NELL1: variants seen among roughly 807,000 people sequenced by gnomAD.
NELL1 encodes the protein neural EGFL like 1, also known as protein kinase C-binding protein NELL1.
NELL1 carries 76 observed loss-of-function variants against 107.4 expected under a neutral mutation model. That is an observed-to-expected ratio of 0.71 (90% confidence interval 0.59 to 0.86). NELL1 has a LOEUF of 0.86. Among genes scored for constraint, NELL1 ranks in the 40% least tolerant of loss-of-function variants. NELL1 has a pLI of 0.00. For missense variants in NELL1, 1,024 were observed against 1,005.5 expected, an observed-to-expected ratio of 1.02 and a Z score of -0.25; for synonymous variants, 353 against 341.2, an observed-to-expected ratio of 1.03 and a Z score of -0.38.
chr11:21,210,776 G>A (rs1464938989), intron 13 of NELL1, among the ~76,000 whole-genome samples: 1 of 151,998 alleles, frequency 6.6e-6, no homozygotes, highest in African/African-American at 2.4e-5. Context: ...TAAATAAATG[G>A]GGATATCAAC....
chr11:21,551,631 C>G lies in NELL1; in HGVS notation c.1787-8558C>G, dbSNP rs1194883326. Reference sequence around the variant, plus strand: ...AGAATGGCAATCATTAAAAAGTCAGCAAACAACAGGTGCTGGAAAGGATGT... The same window carrying G: ...AGAATGGCAATCATTAAAAAGTCAGGAAACAACAGGTGCTGGAAAGGATGT... On this transcript the variant is annotated intron_variant, in intron 16 of 19. Transcript: ENST00000357134. Among the ~76,000 whole-genome samples the G allele has an allele frequency of 4.6e-5, 7 of 151,648 alleles. No homozygotes were observed. In the South Asian group the frequency reaches 1.2e-3, roughly 27 times the overall value.
chr11:20,878,241 T>C (rs1849342557), intron 4 of NELL1, among the ~76,000 whole-genome samples: 1 of 150,842 alleles, frequency 6.6e-6, no homozygotes. Context: ...GTGCCTGTGG[T>C]CCCAGCTACT....
intron 13 of NELL1, among the ~76,000 whole-genome samples, chr11:21,214,892 A>G (rs752596004): frequency 6.6e-6 from 1 of 152,196 alleles, no homozygotes; most frequent in Non-Finnish European, 1.5e-5. Context: ...AACTATACAC[A>G]TACATAATAC....
chr11:20,768,827 C>T (rs191455375), intron 2 of NELL1, among the ~76,000 whole-genome samples: 5 of 152,240 alleles, frequency 3.3e-5, no homozygotes, highest in Admixed American at 6.5e-5. Flanking sequence ...TATGGCCGTG[C>T]CCCCATCTTG....
rs1565175207 is a variant in NELL1, at chr11:21,337,744, CTTT to C, written c.1550-33108_1550-33106del. On this transcript the variant is annotated intron_variant, in intron 14 of 19. Coordinates refer to ENST00000357134, the MANE Select transcript of NELL1 (RefSeq NM_006157.5). The stretch of plus-strand genomic sequence containing the variant: ...ATTCTTTTCTTTCTTTCCTTTCTTT[CTTT>C]CTTTCTTTCTTTCTTTCTTTCTTTC... 1.1e-4 allele frequency among the ~76,000 whole-genome samples: 11 copies of C among 99,460 alleles called. No individual in the cohort carries two copies. The East Asian group carries it at 2.8e-3, about 26-fold the overall frequency. 65.2% of individuals were successfully genotyped at this position (99,460 alleles called of 152,430 possible).
At chr11:21,529,657 G>T (rs1226394241) in intron 15 of NELL1, among the ~76,000 whole-genome samples, 2 of 152,084 alleles carry the variant, frequency 1.3e-5, no homozygotes, top group African/African-American at 2.4e-5. Context: ...AAATCCAAAT[G>T]ATTATTTTTA....
intron 13 of NELL1, among the ~76,000 whole-genome samples, chr11:21,221,505 A>G (rs564112389): frequency 2.3e-4 from 35 of 152,322 alleles, no homozygotes; most frequent in South Asian, 8.3e-4. Context: ...GAAGGCATCC[A>G]TTCCCAGGGT....
intron 2 of NELL1, among the ~76,000 whole-genome samples, chr11:20,692,704 A>T (rs1854501293): frequency 6.6e-6 from 1 of 152,126 alleles, no homozygotes; most frequent in East Asian, 1.9e-4. Context: ...CTTTACTTCC[A>T]ACTATGTGGT....
chr11:20,695,993 T>C (rs1854605050), intron 2 of NELL1, among the ~76,000 whole-genome samples: 1 of 152,106 alleles, frequency 6.6e-6, no homozygotes, highest in Admixed American at 6.6e-5. Flanking sequence ...CAATTCCTTC[T>C]TGGTTCAATC....
rs71443766 is a variant in NELL1 at position 20,938,908 on chromosome 11, G to GTCTCTCTCTCTCTCTCTC, written c.1071+1065_1071+1082dup. Among the ~76,000 whole-genome samples, 698 of 144,552 alleles carry GTCTCTCTCTCTCTCTCTC rather than the reference G, an allele frequency of 4.8e-3. 11 individuals carry two copies. Among genetic ancestry groups the GTCTCTCTCTCTCTCTCTC allele is most frequent in the African/African-American group, 0.018 (676 of 37,824 alleles). The allele number at this position is 144,552 out of a possible 152,430, so 94.8% of individuals were successfully genotyped here. A position where few individuals can be genotyped will look rare whatever the true frequency, so the allele number is the denominator to read the frequency against. On this transcript the variant is annotated intron_variant, in intron 10 of 19. Coordinates refer to ENST00000357134, the MANE Select transcript of NELL1 (RefSeq NM_006157.5). ...CATTGAAGCTCTCTCTTCTCTCTCT[G>GTCTCTCTCTCTCTCTCTC]TCTCTCTCTCTCTCTCTCTCTCTCT...
intron 14 of NELL1, among the ~76,000 whole-genome samples, chr11:21,332,703 A>G (rs1276883664): frequency 6.6e-6 from 1 of 151,876 alleles, no homozygotes; most frequent in Non-Finnish European, 1.5e-5. Context: ...TGTCTGTTGT[A>G]TTAGCTAACA....
intron 10 of NELL1, among the ~76,000 whole-genome samples, chr11:20,945,747 G>T (rs576193762): frequency 6.6e-6 from 1 of 152,270 alleles, no homozygotes; most frequent in East Asian, 1.9e-4. Context: ...GGCACATCAG[G>T]TAGGGACACT....
At chr11:21,088,063 G>C (rs970998483) in intron 12 of NELL1, among the ~76,000 whole-genome samples, 10 of 107,012 alleles carry the variant, frequency 9.3e-5, no homozygotes, top group Admixed American at 3.9e-4. Flanking sequence ...GTAGCTCTGT[G>C]TGTGTGTGTG....
At chr11:21,010,664 C>T (rs761818553) in intron 12 of NELL1, among the ~76,000 whole-genome samples, 1 of 152,024 alleles carries the variant, frequency 6.6e-6, no homozygotes, top group Non-Finnish European at 1.5e-5. Flanking sequence ...TAGAACTATA[C>T]ACCTTAAAAA....
intron 15 of NELL1, among the ~76,000 whole-genome samples, chr11:21,422,811 A>C (rs1042120876): frequency 6.6e-6 from 1 of 152,178 alleles, no homozygotes; most frequent in African/African-American, 2.4e-5. Flanking sequence ...CAAATAAGAG[A>C]ATGAAAGAAA....
chr11:21,398,751 G>C (rs537598436), intron 15 of NELL1, among the ~76,000 whole-genome samples: 16 of 151,830 alleles, frequency 1.1e-4, no homozygotes, highest in African/African-American at 3.4e-4. Flanking sequence ...TTTGTATAAT[G>C]CTTAAAAATC....
intron 12 of NELL1, among the ~76,000 whole-genome samples, chr11:21,070,547 A>T (rs1853986623): frequency 6.6e-6 from 1 of 152,130 alleles, no homozygotes; most frequent in African/African-American, 2.4e-5. Context: ...GAAATTGAAC[A>T]ATATTTTTCC....
intron 2 of NELL1, among the ~76,000 whole-genome samples, chr11:20,683,490 C>T (rs746514876): frequency 1.3e-5 from 2 of 152,000 alleles, no homozygotes; most frequent in African/African-American, 4.8e-5. Flanking sequence ...AAGTAGTCCT[C>T]AGTGTCTATT....
chr11:21,338,133 A>T (rs1260028392), intron 14 of NELL1, among the ~76,000 whole-genome samples: 1 of 152,030 alleles, frequency 6.6e-6, no homozygotes, highest in Non-Finnish European at 1.5e-5. Context: ...GAGAGATGTG[A>T]TGTACAGATA....
Sources: allele counts gnomAD v4.1 joint callset (sites outside exome capture counted in the v4.1 genomes callset), GRCh38; gene constraint gnomAD v4.1.1; transcripts MANE v1.5; gene names NCBI Gene and HGNC (gene_info 2026-07-23, HGNC 2026-07-21).